PODXL: variants seen among roughly 807,000 people sequenced by gnomAD.
The protein encoded by PODXL is podocalyxin.
PODXL carries 20 observed loss-of-function variants against 48.9 expected under a neutral mutation model. The observed-to-expected ratio is 0.41, with a 90% confidence interval of 0.29 to 0.59. PODXL has a LOEUF of 0.59. PODXL is among the 20% of genes least tolerant of loss of function. The pLI, the probability that PODXL is intolerant of heterozygous loss-of-function variation, is 0.31. For synonymous variants in PODXL, 295 were observed against 287.4 expected, an observed-to-expected ratio of 1.03 and a Z score of -0.27; for missense variants, 606 against 675.1, an observed-to-expected ratio of 0.90 and a Z score of 1.13.
At chr7:131,542,106 G>C (rs377272089) in intron 1 of PODXL, among the ~76,000 whole-genome samples, 10 of 152,310 alleles carry the variant, frequency 6.6e-5, no homozygotes, top group Admixed American at 2.0e-4. Context: ...AGTTTTGCAG[G>C]TCAGGAAAGG....
chr7:131,541,693 A>AG (rs1174378253), intron 1 of PODXL, among the ~76,000 whole-genome samples: 1 of 151,878 alleles, frequency 6.6e-6, no homozygotes, highest in African/African-American at 2.4e-5. Context: ...AAAAAAGACA[A>AG]ACAAACCAAG....
At chr7:131,506,865 T>C (rs1398498273) in intron 5 of PODXL, 139 bp from the exon 6 acceptor site, 9 of 842,892 alleles carry the variant, frequency 1.1e-5, no homozygotes, top group Non-Finnish European at 1.7e-5. Flanking sequence ...CAGCTGGTGC[T>C]CCACGCAGGC....
At chr7:131,504,861 CTA>C (rs1345523892) in intron 8 of PODXL, among the ~76,000 whole-genome samples, 8 of 152,200 alleles carry the variant, frequency 5.3e-5, no homozygotes, top group Non-Finnish European at 8.8e-5. Context: ...GGGAAAAACA[CTA>C]TTAAAAAATG....
rs1782410126 is a variant in PODXL at position 131,503,289 on chromosome 7, A to T, written c.*1022T>A. 6.6e-6 allele frequency: 1 copy of T among 152,592 alleles called. No homozygotes were observed. The highest frequency in any genetic ancestry group is 6.5e-5 in the Admixed American group (1 of 15,276). The allele number at this position is 152,592 out of a possible 1,614,324, so 9.5% of individuals were successfully genotyped here. On this transcript the variant is annotated 3_prime_UTR_variant, in exon 9 of 9. Transcript: ENST00000378555. Reference sequence around the variant, plus strand: ...TCTCCTGCAGCCACTGCTCTTTCATACTGGGTCTCAGGGAATCACTCCCAT... The same window carrying T: ...TCTCCTGCAGCCACTGCTCTTTCATTCTGGGTCTCAGGGAATCACTCCCAT...
intron 1 of PODXL, 36 bp downstream of exon 1, chr7:131,556,224 G>GT: frequency 1.4e-6 from 2 of 1,443,574 alleles, no homozygotes; most frequent in Non-Finnish European, 1.8e-6. Flanking sequence ...CATGGGCACG[G>GT]TGGGAGTCCC....
chr7:131,525,610 A>AT (rs1168792562), intron 1 of PODXL, among the ~76,000 whole-genome samples: 1 of 151,768 alleles, frequency 6.6e-6, no homozygotes, highest in Non-Finnish European at 1.5e-5. Context: ...CAAAAAAAAA[A>AT]ACACAAAAAA....
chr7:131,536,735 C>T (rs1798380330), intron 1 of PODXL, among the ~76,000 whole-genome samples: 2 of 152,200 alleles, frequency 1.3e-5, no homozygotes, highest in Admixed American at 6.5e-5. Context: ...CCCATGCTCA[C>T]AGTAGGTTCT....
At chr7:131,508,879 A>G (rs897025972) in intron 5 of PODXL, 72 bp downstream of exon 5, 1 of 1,059,830 alleles carries the variant, frequency 9.4e-7, no homozygotes, top group African/African-American at 1.6e-5. Flanking sequence ...TAGAAAGAAC[A>G]TACATTCCCT....
intron 1 of PODXL, among the ~76,000 whole-genome samples, chr7:131,532,262 C>A (rs1259733463): frequency 6.7e-6 from 1 of 150,162 alleles, no homozygotes; most frequent in African/African-American, 2.4e-5. Flanking sequence ...GGTGAAACCC[C>A]GTCTCTATTA....
At chr7:131,510,080 A>T (rs1387713121) in intron 3 of PODXL, among the ~76,000 whole-genome samples, 156 bp downstream of exon 3, 1 of 152,188 alleles carries the variant, frequency 6.6e-6, no homozygotes, top group Non-Finnish European at 1.5e-5. Context: ...GAGCGCTCAG[A>T]AACTCTGGGT....
intron 4 of PODXL, 162 bp from the exon 5 acceptor site, chr7:131,509,190 G>C (rs557149325): frequency 2.4e-6 from 2 of 821,362 alleles, no homozygotes; most frequent in South Asian, 3.1e-5. Flanking sequence ...CGTGGCTTGA[G>C]GGCAGCTCAA....
chr7:131,504,530 G>A (rs773458805), intron 8 of PODXL, 22 bp from the exon 9 acceptor site: 1 of 1,607,342 alleles, frequency 6.2e-7, no homozygotes. Context: ...AAGGTGACCG[G>A]TGAGAAGGGG....
intron 8 of PODXL, 135 bp from the exon 9 acceptor site, chr7:131,504,643 G>C (rs1411317173): frequency 2.8e-6 from 2 of 709,532 alleles, no homozygotes; most frequent in Admixed American, 5.0e-5. Flanking sequence ...CTGTGGGGCT[G>C]GCTGCTCCTG....
chr7:131,528,522 GA>G (rs1041794706), intron 1 of PODXL, among the ~76,000 whole-genome samples: 3 of 152,186 alleles, frequency 2.0e-5, no homozygotes, highest in Admixed American at 1.3e-4. Context: ...CCTGGGATGT[GA>G]AATATGCATT....
chr7:131,540,701 G>A (rs145645706), intron 1 of PODXL, among the ~76,000 whole-genome samples: 1,539 of 152,142 alleles, frequency 0.01, 13 homozygotes, highest in Non-Finnish European at 0.017. Flanking sequence ...TCTTTCCCAC[G>A]CCACCTCCGG....
At chr7:131,516,003 A>C (rs1400195387) in intron 1 of PODXL, among the ~76,000 whole-genome samples, 1 of 152,218 alleles carries the variant, frequency 6.6e-6, no homozygotes, top group Non-Finnish European at 1.5e-5. Context: ...AAACTTGCAA[A>C]TATTTATGGA....
chr7:131,540,930 C>T (rs944710976), intron 1 of PODXL, among the ~76,000 whole-genome samples: 5 of 152,184 alleles, frequency 3.3e-5, no homozygotes. Context: ...CTGTGAATTT[C>T]CCAGGGAATG....
At chr7:131,506,984 C>A (rs150571663) in intron 5 of PODXL, 2 of 496,526 alleles carry the variant, frequency 4.0e-6, no homozygotes, top group East Asian at 6.8e-5. Flanking sequence ...TCTACGCTTG[C>A]ACCTTTCATT....
At chr7:131,556,198 G>A in intron 1 of PODXL, 62 bp downstream of exon 1, 1 of 1,377,752 alleles carries the variant, frequency 7.3e-7, no homozygotes, top group South Asian at 1.6e-5. Context: ...CCTGCAGCTC[G>A]GCCGGGCAGG....
Sources: allele counts gnomAD v4.1 joint callset (sites outside exome capture counted in the v4.1 genomes callset), GRCh38; gene constraint gnomAD v4.1.1; transcripts MANE v1.5; gene names NCBI Gene and HGNC (gene_info 2026-07-23, HGNC 2026-07-21).